Variants in TBCD observed in about 807,000 individuals in gnomAD.
TBCD encodes tubulin-specific chaperone D.
Under a neutral mutation model 169.3 loss-of-function variants are expected in TBCD, and 105 were observed. The observed-to-expected ratio is 0.62, with a 90% CI of 0.53 to 0.73. The LOEUF (loss-of-function observed/expected upper bound fraction) is 0.73. TBCD is among the 30% of genes least tolerant of loss of function. The pLI is 0.00. For missense variants in TBCD, 1,444 were observed against 1,600.1 expected (o/e 0.90, Z 1.66); for synonymous variants, 700 against 643.9 (o/e 1.09, Z -1.32).
At chr17:82,821,397 C>G (rs143232534) in intron 13 of TBCD, among the ~76,000 whole-genome samples, 20 of 152,300 alleles carry the variant, frequency 1.3e-4, no homozygotes, top group South Asian at 4.1e-4. Flanking sequence ...CAGCACTTAA[C>G]CTTTGCTTTA....
chr17:82,830,644 T>A (rs1340543319), intron 13 of TBCD: 1 of 1,613,216 alleles, frequency 6.2e-7, no homozygotes, highest in Non-Finnish European at 8.5e-7. Context: ...GTTACAGGGG[T>A]CCTTCACCGA....
chr17:82,938,707 A>G (rs1236088801), intron 36 of TBCD, among the ~76,000 whole-genome samples: 3 of 152,150 alleles, frequency 2.0e-5, no homozygotes, highest in Non-Finnish European at 4.4e-5. Flanking sequence ...CCACCAGCGC[A>G]GTGAGACATG....
At chr17:82,776,079 C>T (rs1447224700) in intron 6 of TBCD, among the ~76,000 whole-genome samples, 2 of 152,022 alleles carry the variant, frequency 1.3e-5, no homozygotes, top group East Asian at 1.9e-4. Flanking sequence ...ATTAGCTGGG[C>T]ATGGTGGTGC....
rs2053571089 is a variant in TBCD at position 82,832,080 on chromosome 17, G to A, written c.1318+17146G>A. 1 of 1,613,988 alleles carries A rather than the reference G, an allele frequency of 6.2e-7. No homozygotes were observed. The highest frequency in any genetic ancestry group is 2.2e-5 in the East Asian group (1 of 44,884). On this transcript the variant is annotated intron_variant, in intron 13 of 38. Transcript: ENST00000355528. This position sits in a 1 kb window ranked among gnomAD's most constrained non-coding sequence, Gnocchi z 4.9. ...TGTGGAGGGCTGGCTTCTGTCCCAGGCACCTGTGGGTTCCCCGGGCTTGCA... is the reference window on the plus strand; with the variant it reads ...TGTGGAGGGCTGGCTTCTGTCCCAGACACCTGTGGGTTCCCCGGGCTTGCA...
intron 26 of TBCD, 33 bp from the exon 27 acceptor site, chr17:82,924,906 G>A: frequency 6.6e-7 from 1 of 1,522,820 alleles, no homozygotes; most frequent in Non-Finnish European, 8.9e-7. Context: ...GGGCAGCAGA[G>A]GGCCTCTCTT....
chr17:82,830,478 T>C (rs746652206), intron 13 of TBCD: 1 of 1,613,234 alleles, frequency 6.2e-7, no homozygotes, highest in Non-Finnish European at 8.5e-7. Context: ...CGCCGGGGCC[T>C]GTGGGTGGGG....
intron 13 of TBCD, among the ~76,000 whole-genome samples, chr17:82,849,308 C>T (rs1368752156): frequency 2.0e-5 from 3 of 152,014 alleles, no homozygotes; most frequent in Admixed American, 1.3e-4. Context: ...ACCTCGATGT[C>T]CCCCTCTGTC....
At chr17:82,941,186 G>A (rs773948831) in intron 37 of TBCD, among the ~76,000 whole-genome samples, 2 of 152,250 alleles carry the variant, frequency 1.3e-5, no homozygotes, top group Non-Finnish European at 2.9e-5. Context: ...GGAAGGAACC[G>A]TCCTCCTGCG....
At position 82,890,333 on chromosome 17, in the gene TBCD, C is replaced by T. The variant is rs183819505; in HGVS notation, c.1563+636C>T. ...GACCGGGGTCTGGGCTGGACCTGGGCGGGGAGCAAAGTTCCCACGAGAAGT... is the reference window on the plus strand; with the variant it reads ...GACCGGGGTCTGGGCTGGACCTGGGTGGGGAGCAAAGTTCCCACGAGAAGT... On this transcript the variant is annotated intron_variant, in intron 16 of 38. Transcript: ENST00000355528. The surrounding 1 kb of genome is among the most constrained non-coding windows in gnomAD (Gnocchi z 5.3). Among the ~76,000 whole-genome samples the T allele has an allele frequency of 2.6e-3, 395 of 152,054 alleles. 1 individual carries two copies. Among genetic ancestry groups the T allele is most frequent in the Non-Finnish European group, 3.5e-3 (239 of 67,952 alleles).
At chr17:82,755,116 C>A (rs972908632) in intron 1 of TBCD, among the ~76,000 whole-genome samples, 9 of 152,058 alleles carry the variant, frequency 5.9e-5, no homozygotes, top group Admixed American at 2.0e-4. Context: ...GGTGGGAGGG[C>A]GTCCAGGGCA....
intron 17 of TBCD, among the ~76,000 whole-genome samples, chr17:82,894,135 A>G (rs1457445652): frequency 6.3e-5 from 3 of 47,548 alleles, no homozygotes; most frequent in Non-Finnish European, 1.2e-4. Context: ...TTATCTGTAG[A>G]TTGTCTATGA....
chr17:82,918,735 G>T (rs1041463940), intron 23 of TBCD: 1 of 152,148 alleles, frequency 6.6e-6, no homozygotes, highest in Non-Finnish European at 1.5e-5. Context: ...CCGCTGAGCC[G>T]CGCGTGCCGT....
At position 82,944,472 on chromosome 17, in the gene TBCD, G is replaced by A. The variant is rs2063538384; in HGVS notation, c.*2009G>A. On this transcript the variant is annotated 3_prime_UTR_variant, in exon 39 of 39. Coordinates refer to ENST00000355528, the MANE Select transcript of TBCD (RefSeq NM_005993.5). ...AAGCACCATCAAGGCAGGCAACACT[G>A]AGTGCTATGAACAAAGATAAAGTGG... 1 of 152,256 alleles carries A rather than the reference G, an allele frequency of 6.6e-6. No individual in the cohort carries two copies. The highest frequency in any genetic ancestry group is 2.1e-4 in the South Asian group (1 of 4,826). 9.4% of individuals were successfully genotyped at this position (152,256 alleles called of 1,614,324 possible).
At position 82,831,387 on chromosome 17, in the gene TBCD, G is replaced by A. The variant is rs2053495789; in HGVS notation, c.1318+16453G>A. The A allele has an allele frequency of 1.9e-6, 3 of 1,614,070 alleles. No individual in the cohort carries two copies. The highest frequency in any genetic ancestry group is 1.7e-5 in the Admixed American group (1 of 60,012). ...ACCTGGAAGGACTCGAGGCTGGATA[G>A]ACCAGGGTGGCTTCTTCAAGCAGGT... On this transcript the variant is annotated intron_variant, in intron 13 of 38. Coordinates refer to ENST00000355528, the MANE Select transcript of TBCD (RefSeq NM_005993.5). The surrounding 1 kb of genome is among the most constrained non-coding windows in gnomAD (Gnocchi z 4.6).
At position 82,929,464 on chromosome 17, in the gene TBCD, G is replaced by A; in HGVS notation, c.2955G>A (p.Gly985=). Residue 985 remains glycine, a synonymous_variant, in exon 32 of 39, where the codon GGG becomes GGA. Coordinates refer to ENST00000355528, the MANE Select transcript of TBCD (RefSeq NM_005993.5). ...LPTYRYHVLL[G]LVVSLGGLTE... ...CCTACCGCTACCACGTCCTGCTGGG[G>A]CTAGTCGTGTCCCTGGGCGGCTTGA... 3 of 1,610,318 alleles carry A rather than the reference G, an allele frequency of 1.9e-6. No individual in the cohort carries two copies. The highest frequency in any genetic ancestry group is 2.5e-6 in the Non-Finnish European group (3 of 1,179,868).
At chr17:82,859,710 T>C (rs997134506) in intron 13 of TBCD, 10 of 985,096 alleles carry the variant, frequency 1.0e-5, no homozygotes, top group Admixed American at 6.2e-5. Flanking sequence ...CCGCCGGGAG[T>C]GTGGCTGTGG....
intron 2 of TBCD, among the ~76,000 whole-genome samples, chr17:82,762,084 A>G (rs2047789785): frequency 6.6e-6 from 1 of 151,334 alleles, no homozygotes; most frequent in African/African-American, 2.4e-5. Context: ...TGGGAGGCTG[A>G]GGTGGGCAGA....
intron 17 of TBCD, among the ~76,000 whole-genome samples, chr17:82,900,114 C>T (rs2059787237): frequency 6.6e-6 from 1 of 152,230 alleles, no homozygotes; most frequent in African/African-American, 2.4e-5. Flanking sequence ...CCAGAGCGCA[C>T]AGCTTCCTGT....
chr17:82,935,891 A>C (rs993166872), intron 34 of TBCD, among the ~76,000 whole-genome samples: 1 of 152,072 alleles, frequency 6.6e-6, no homozygotes, highest in African/African-American at 2.4e-5. Context: ...ACTCCCTTGG[A>C]TTTCCTCGAG....
Sources: gnomAD v4.1 joint callset for allele counts (sites outside exome capture counted in the v4.1 genomes callset) on GRCh38, gnomAD v4.1.1 for gene constraint, Gnocchi (gnomAD v3.1) non-coding constraint, MANE v1.5 for transcripts, NCBI Gene and HGNC (gene_info 2026-07-23, HGNC 2026-07-21) for gene names.